The following DDHD1 variants were observed in gnomAD, a reference collection of about 807,000 sequenced individuals.
DDHD1 encodes the protein DDHD domain containing 1.
DDHD1 carries 49 observed loss-of-function variants against 96.4 expected under a neutral mutation model. The observed-to-expected ratio is 0.51, with a 90% CI of 0.40 to 0.64. The LOEUF is 0.64. DDHD1 is among the 30% of genes least tolerant of loss of function. The pLI is 0.00. For missense variants in DDHD1, 1,106 were observed against 1,161.2 expected (o/e 0.95, Z 0.69); for synonymous variants, 442 against 446.5 (o/e 0.99, Z 0.13).
At chr14:53,107,836 G>A (rs1309838096) in intron 1 of DDHD1, among the ~76,000 whole-genome samples, 1 of 152,036 alleles carries the variant, frequency 6.6e-6, no homozygotes, top group African/African-American at 2.4e-5. Context: ...CTTTAAACAC[G>A]GGGCTTGCAA....
chr14:53,103,499 T>A (rs895689338), intron 2 of DDHD1, 184 bp downstream of exon 2: 33 of 503,780 alleles, frequency 6.6e-5, no homozygotes, highest in African/African-American at 6.4e-4. Flanking sequence ...AAAATAAAAA[T>A]TGAGATAGTT....
At chr14:53,131,845 C>A (rs1179091994) in intron 1 of DDHD1, among the ~76,000 whole-genome samples, 1 of 152,054 alleles carries the variant, frequency 6.6e-6, no homozygotes, top group Non-Finnish European at 1.5e-5. Flanking sequence ...ATCGCACATC[C>A]CCCTCCAAAG....
intron 1 of DDHD1, among the ~76,000 whole-genome samples, chr14:53,146,915 T>C (rs570581004): frequency 6.6e-6 from 1 of 152,044 alleles, no homozygotes; most frequent in Non-Finnish European, 1.5e-5. Flanking sequence ...ATCTGTACCC[T>C]TCATCAATGC....
chr14:53,051,947 G>C lies in DDHD1; in HGVS notation c.2438-20C>G, dbSNP rs1882620279. 1.3e-6 allele frequency: 2 copies of C among 1,553,018 alleles called. No homozygotes were observed. Among genetic ancestry groups the C allele is most frequent in the Non-Finnish European group, 1.7e-6 (2 of 1,143,410 alleles). ...TGAAATCTGTGAAAAAAAAACACAA[G>C]ATGCTGTAAAGGGTTGGCTGATGAT... is the stretch of plus-strand genomic sequence containing the variant. On this transcript the variant is annotated intron_variant, in intron 11 of 12. Transcript: ENST00000673822.
Position 53,152,402 on chromosome 14 carries a change from G to A in DDHD1, c.697C>T (p.Arg233Cys). 1.2e-6 allele frequency: 2 copies of A among 1,613,896 alleles called. No individual in the cohort carries two copies. Among genetic ancestry groups the A allele is most frequent in the Non-Finnish European group, 1.7e-6 (2 of 1,179,964 alleles). The change falls in exon 1 of 13, where the codon CGC (arginine) becomes TGC (cysteine). Residue 233 changes from arginine (R) to cysteine (C), a missense_variant. Transcript: ENST00000673822. ...SSSGEDDDED[R>C]ACGFCQSTTG... is the part of the protein sequence containing the mutation. ...GTACTCTGGCAGAAGCCGCAGGCGC[G>A]GTCCTCATCGTCATCTTCTCCGGAA...
intron 6 of DDHD1, among the ~76,000 whole-genome samples, chr14:53,069,658 T>C (rs1884344311): frequency 6.6e-6 from 1 of 152,202 alleles, no homozygotes; most frequent in Admixed American, 6.5e-5. Flanking sequence ...TGCCTGTATA[T>C]ATACATATTC....
chr14:53,140,243 G>C (rs1292248835), intron 1 of DDHD1, among the ~76,000 whole-genome samples: 1 of 152,162 alleles, frequency 6.6e-6, no homozygotes, highest in Non-Finnish European at 1.5e-5. Flanking sequence ...AATTCAAAAA[G>C]CTTAGAAAGG....
At chr14:53,082,911 A>C (rs1015673965) in intron 4 of DDHD1, among the ~76,000 whole-genome samples, 1 of 151,386 alleles carries the variant, frequency 6.6e-6, no homozygotes, top group Non-Finnish European at 1.5e-5. Flanking sequence ...AACAAACAAA[A>C]AAACAAGGTC....
At chr14:53,050,223 C>T (rs1371395894) in intron 12 of DDHD1, among the ~76,000 whole-genome samples, 1 of 152,048 alleles carries the variant, frequency 6.6e-6, no homozygotes, top group Non-Finnish European at 1.5e-5. Context: ...GGAGAAGAAA[C>T]AGCATGAGCA....
In DDHD1 at chr14:53,133,230, G is replaced by C. The variant is rs574747190; in HGVS notation, c.838+19031C>G. Among the ~76,000 whole-genome samples, 9 of 152,262 alleles carry C rather than the reference G, an allele frequency of 5.9e-5. No individual in the cohort carries two copies. In the East Asian group the frequency reaches 1.5e-3, roughly 26 times the overall value. On this transcript the variant is annotated intron_variant, in intron 1 of 12. Coordinates refer to ENST00000673822, the MANE Select transcript of DDHD1 (RefSeq NM_001160148.2). Reference sequence around the variant, plus strand: ...AGCTCGGGGATTTGCCCCTGCCCAGGACTGGCAAATTGACTTTACTCACAT... The same window carrying C: ...AGCTCGGGGATTTGCCCCTGCCCAGCACTGGCAAATTGACTTTACTCACAT...
rs547860697 is a variant in DDHD1 at position 53,084,502 on chromosome 14, T to C, written c.1289+7283A>G. On this transcript the variant is annotated intron_variant, in intron 4 of 12. Coordinates refer to ENST00000673822, the MANE Select transcript of DDHD1 (RefSeq NM_001160148.2). Reference sequence around the variant, plus strand: ...GCATACTAACATATAAATATAAACATCACGGGAAGTAATACATAATTCATC... The same window carrying C: ...GCATACTAACATATAAATATAAACACCACGGGAAGTAATACATAATTCATC... 2.6e-5 allele frequency among the ~76,000 whole-genome samples: 4 copies of C among 152,258 alleles called. No homozygotes were observed. In the East Asian group the frequency reaches 5.8e-4, roughly 22 times the overall value.
chr14:53,042,042 T>C lies in DDHD1; in HGVS notation c.*4726A>G, dbSNP rs944264611. ...TGACTGTCATTCATTGGCCATGTGA[T>C]TGTATAGGGTGGAATCGGTCACTTA... On this transcript the variant is annotated 3_prime_UTR_variant, in exon 13 of 13. Coordinates refer to ENST00000673822, the MANE Select transcript of DDHD1 (RefSeq NM_001160148.2). The C allele has an allele frequency of 2.6e-5, 4 of 152,170 alleles. No individual in the cohort carries two copies. Among genetic ancestry groups the C allele is most frequent in the African/African-American group, 4.8e-5 (2 of 41,434 alleles). 9.4% of individuals were successfully genotyped at this position (152,170 alleles called of 1,614,324 possible).
intron 1 of DDHD1, among the ~76,000 whole-genome samples, chr14:53,104,495 G>A (rs1235295475): frequency 6.6e-6 from 1 of 152,100 alleles, no homozygotes; most frequent in African/African-American, 2.4e-5. Context: ...CCAGACTAGT[G>A]TTTAGAAATA....
At position 53,063,169 on chromosome 14, in the gene DDHD1, A is replaced by G. The variant is rs759524370; in HGVS notation, c.1540T>C (p.Tyr514His). 5 of 1,613,946 alleles carry G rather than the reference A, an allele frequency of 3.1e-6. No homozygotes were observed. Among genetic ancestry groups the G allele is most frequent in the Non-Finnish European group, 4.2e-6 (5 of 1,179,972 alleles). ...KGLQQELNRL[Y>H]SLFCSRNPDF... ...GGATTCCGAGAACAGAAAAGGGAAT[A>G]CAATCGATTCAGCTCTTGCTGAAGG... The change falls in exon 7 of 13, where the codon TAT becomes CAT. Residue 514 changes from tyrosine to histidine, a missense_variant. Around this residue, in one of 2 missense-constraint regions of DDHD1, gnomAD observed 650 missense variants for 758.8 expected, o/e 0.86. Transcript: ENST00000673822.
chr14:53,128,846 T>C (rs1425541825), intron 1 of DDHD1, among the ~76,000 whole-genome samples: 1 of 152,130 alleles, frequency 6.6e-6, no homozygotes, highest in East Asian at 1.9e-4. Flanking sequence ...AAGATAACAT[T>C]CCACCATTGT....
At chr14:53,064,806 A>G (rs187468733) in intron 6 of DDHD1, among the ~76,000 whole-genome samples, 221 of 152,220 alleles carry the variant, frequency 1.5e-3, no homozygotes, top group African/African-American at 5.0e-3. Flanking sequence ...ATGATTTTGA[A>G]AGCCAACTTT....
intron 2 of DDHD1, among the ~76,000 whole-genome samples, chr14:53,094,960 A>G (rs2139686787): frequency 6.6e-6 from 1 of 152,298 alleles, no homozygotes; most frequent in East Asian, 1.9e-4. Context: ...CGTAAGCCCC[A>G]GGAGCCAGGG....
chr14:53,062,845 C>G (rs1883706921), intron 7 of DDHD1, 98 bp downstream of exon 7: 1 of 1,253,334 alleles, frequency 8.0e-7, no homozygotes, highest in East Asian at 2.5e-5. Context: ...TTGAACAATG[C>G]ATTATTTCTT....
At chr14:53,132,607 T>C (rs1889955240) in intron 1 of DDHD1, among the ~76,000 whole-genome samples, 1 of 152,126 alleles carries the variant, frequency 6.6e-6, no homozygotes. Context: ...AATATTTATG[T>C]TGACTCTAAA....
Sources: allele counts gnomAD v4.1 joint callset (sites outside exome capture counted in the v4.1 genomes callset), GRCh38; gene constraint gnomAD v4.1.1; regional missense constraint gnomAD v4.1.1; transcripts MANE v1.5; gene names NCBI Gene and HGNC (gene_info 2026-07-23, HGNC 2026-07-21).